Variants in PRKCE observed in about 807,000 individuals in gnomAD.
PRKCE encodes the protein protein kinase C epsilon type.
In PRKCE, 16 loss-of-function variants were observed where a neutral mutation model predicts 85.4. The observed-to-expected ratio is 0.19, with a 90% CI of 0.13 to 0.28. PRKCE has a LOEUF of 0.28. Ranked by LOEUF, PRKCE falls within the 10% of genes least tolerant of loss-of-function variation. PRKCE has a pLI of 1.00. For missense variants in PRKCE, 573 were observed against 975.2 expected (o/e 0.59, Z 5.49); for synonymous variants, 388 against 371.5 (o/e 1.04, Z -0.51).
chr2:46,142,690 G>A (rs1486001305), intron 11 of PRKCE, among the ~76,000 whole-genome samples: 1 of 152,242 alleles, frequency 6.6e-6, no homozygotes, highest in Non-Finnish European at 1.5e-5. Flanking sequence ...AAGGGAGGGT[G>A]AGCATCTGGG....
intron 1 of PRKCE, among the ~76,000 whole-genome samples, chr2:45,684,386 A>T (rs1331959429): frequency 6.6e-6 from 1 of 152,228 alleles, no homozygotes; most frequent in East Asian, 1.9e-4. Flanking sequence ...ATCTGTGCTC[A>T]CATGAACACC....
chr2:45,983,403 C>A (rs1160933619), intron 5 of PRKCE, among the ~76,000 whole-genome samples: 2 of 152,162 alleles, frequency 1.3e-5, no homozygotes, highest in Non-Finnish European at 2.9e-5. Flanking sequence ...CCATGGATGT[C>A]CTGGGTGATG....
At chr2:45,933,968 T>C (rs887378584) in intron 2 of PRKCE, among the ~76,000 whole-genome samples, 2 of 152,212 alleles carry the variant, frequency 1.3e-5, no homozygotes, top group Admixed American at 6.5e-5. Flanking sequence ...AAGAGTTGCA[T>C]GTGAATTTTA....
chr2:45,987,498 G>A (rs1050230480), intron 6 of PRKCE, among the ~76,000 whole-genome samples: 1 of 151,882 alleles, frequency 6.6e-6, no homozygotes, highest in Non-Finnish European at 1.5e-5. Context: ...CTTTAATTAA[G>A]AAACCTTATT....
At chr2:45,980,236 C>G in intron 4 of PRKCE, 60 bp from the exon 5 acceptor site, 1 of 1,537,002 alleles carries the variant, frequency 6.5e-7, no homozygotes, top group Non-Finnish European at 8.9e-7. Flanking sequence ...TGAATAGATC[C>G]TGGGAGGGAC....
chr2:46,143,766 T>C (rs1236647295), intron 11 of PRKCE, among the ~76,000 whole-genome samples: 2 of 152,202 alleles, frequency 1.3e-5, no homozygotes, highest in Non-Finnish European at 2.9e-5. Flanking sequence ...CTTTCTGTAG[T>C]TCATGAGCAT....
intron 6 of PRKCE, among the ~76,000 whole-genome samples, chr2:45,985,307 A>G (rs777292598): frequency 1.3e-5 from 2 of 152,170 alleles, no homozygotes; most frequent in Admixed American, 6.5e-5. Context: ...TGCCACCCGC[A>G]AACAGCGCAC....
At chr2:45,757,305 CAAAAAAAAAAAAAAA>C (rs35603923) in intron 1 of PRKCE, among the ~76,000 whole-genome samples, 1 of 50,812 alleles carries the variant, frequency 2.0e-5, no homozygotes, top group East Asian at 6.7e-4. Context: ...AGACTGTCTC[CAAAAAAAAAAAAAAA>C]AAAAAAAAAA....
chr2:46,066,413 T>C (rs900239459), intron 10 of PRKCE, among the ~76,000 whole-genome samples: 5 of 152,188 alleles, frequency 3.3e-5, no homozygotes, highest in Non-Finnish European at 7.3e-5. Flanking sequence ...TAGGTAGAGG[T>C]TGAATTGGCT....
chr2:45,869,477 A>C (rs945217443), intron 2 of PRKCE, among the ~76,000 whole-genome samples: 6 of 152,120 alleles, frequency 3.9e-5, no homozygotes, highest in African/African-American at 1.4e-4. Flanking sequence ...TTTAGCACCT[A>C]TTACACGCCA....
intron 11 of PRKCE, among the ~76,000 whole-genome samples, chr2:46,091,826 C>T (rs904328890): frequency 2.0e-5 from 3 of 152,190 alleles, no homozygotes; most frequent in African/African-American, 4.8e-5. Flanking sequence ...TTATCCATCC[C>T]GGTCTCCAAA....
At chr2:46,134,252 T>C (rs1215929358) in intron 11 of PRKCE, among the ~76,000 whole-genome samples, 1 of 152,098 alleles carries the variant, frequency 6.6e-6, no homozygotes, top group Non-Finnish European at 1.5e-5. Context: ...CTGTGGGAAC[T>C]TGGAGACCCT....
At chr2:46,066,245 C>G (rs540640139) in intron 10 of PRKCE, among the ~76,000 whole-genome samples, 2 of 152,168 alleles carry the variant, frequency 1.3e-5, no homozygotes, top group East Asian at 3.9e-4. Flanking sequence ...TCTGTTTTTC[C>G]CCCTATTTCT....
intron 1 of PRKCE, among the ~76,000 whole-genome samples, chr2:45,734,540 C>A (rs1273555630): frequency 6.6e-6 from 1 of 152,158 alleles, no homozygotes; most frequent in Admixed American, 6.5e-5. Flanking sequence ...AGAGAAGCAG[C>A]AGCTTGATGG....
intron 2 of PRKCE, among the ~76,000 whole-genome samples, chr2:45,939,729 A>G (rs185820600): frequency 1.1e-3 from 165 of 152,130 alleles, no homozygotes; most frequent in African/African-American, 3.7e-3. Context: ...TAATTTTCGT[A>G]TTTTTAGTAG....
At chr2:46,054,524 C>CA (rs1038975746) in intron 10 of PRKCE, among the ~76,000 whole-genome samples, 4 of 152,100 alleles carry the variant, frequency 2.6e-5, no homozygotes, top group Admixed American at 2.6e-4. Context: ...TACAGGAGAA[C>CA]AAAAAATCTT....
At chr2:46,055,819 C>A (rs369164960) in intron 10 of PRKCE, among the ~76,000 whole-genome samples, 1 of 152,164 alleles carries the variant, frequency 6.6e-6, no homozygotes. Context: ...CACACCACCA[C>A]GCCTAGCTAA....
chr2:45,969,510 A>T (rs1701965959), intron 2 of PRKCE, among the ~76,000 whole-genome samples: 1 of 152,120 alleles, frequency 6.6e-6, no homozygotes, highest in Non-Finnish European at 1.5e-5. Flanking sequence ...TGGATCCGGC[A>T]ACTCTGGTGT....
At chr2:46,123,633 C>T (rs563925039) in intron 11 of PRKCE, among the ~76,000 whole-genome samples, 17 of 152,164 alleles carry the variant, frequency 1.1e-4, no homozygotes, top group African/African-American at 3.9e-4. Context: ...GAACTACAGG[C>T]GTGCACCACC....
Sources: gnomAD v4.1 joint callset for allele counts (sites outside exome capture counted in the v4.1 genomes callset) on GRCh38, gnomAD v4.1.1 for gene constraint, MANE v1.5 for transcripts, NCBI Gene and HGNC (gene_info 2026-07-23, HGNC 2026-07-21) for gene names.